Variants in NRIP3 observed in about 807,000 individuals in gnomAD.
NRIP3 encodes the protein nuclear receptor interacting protein 3, also known as nuclear receptor-interacting protein 3.
In NRIP3, 31 loss-of-function variants were observed where a neutral mutation model predicts 29.0. The ratio of observed to expected loss-of-function variants is 1.07; its 90% CI spans 0.80 to 1.44. The LOEUF (loss-of-function observed/expected upper bound fraction) is 1.44. Among genes scored for constraint, NRIP3 ranks in the 40% most tolerant of loss-of-function variants. NRIP3 has a pLI of 0.00. For synonymous variants in NRIP3, 131 were observed against 118.3 expected (o/e 1.11, Z -0.70); for missense variants, 314 against 297.9 (o/e 1.05, Z -0.40).
chr11:8,983,292 C>T lies in NRIP3; in HGVS notation c.*253G>A. ...GCAGAGAAATAGGCCACAAGTGAGA[C>T]TGGCAGTGTCAAAAAAGGTCTATAA... On this transcript the variant is annotated 3_prime_UTR_variant, in exon 7 of 7. Coordinates refer to ENST00000309166, the MANE Select transcript of NRIP3 (RefSeq NM_020645.3). The T allele has an allele frequency of 1.8e-6, 1 of 557,892 alleles. No individual in the cohort carries two copies. The highest frequency in any genetic ancestry group is 3.2e-6 in the Non-Finnish European group (1 of 313,822). 34.6% of individuals were successfully genotyped at this position (557,892 alleles called of 1,614,324 possible).
At position 8,982,629 on chromosome 11, in the gene NRIP3, T is replaced by C; in HGVS notation, c.*916A>G. ...AGAGGGATTAATATTCCTCTGTCTG[T>C]GGTTCCTCCTTTCCTCCAAGAGGTT... On this transcript the variant is annotated 3_prime_UTR_variant, in exon 7 of 7. Transcript: ENST00000309166. The C allele has an allele frequency of 5.0e-6, 1 of 201,072 alleles. No individual in the cohort carries two copies. Among genetic ancestry groups the C allele is most frequent in the South Asian group, 8.3e-5 (1 of 12,058 alleles). The allele number at this position is 201,072 out of a possible 1,614,324, so 12.5% of individuals were successfully genotyped here.
chr11:9,003,901 C>T lies in NRIP3; in HGVS notation c.35G>A (p.Arg12His), dbSNP rs1217018178. Reference sequence around the variant, plus strand: ...CGCCTCCCGCATGTCGGTCTCCTTGCGGCCGCCCTCAGTGAGGAGCCCTGA... The same window carrying T: ...CGCCTCCCGCATGTCGGTCTCCTTGTGGCCGCCCTCAGTGAGGAGCCCTGA... ...FYSGLLTEGG[R>H]KETDMREAAS... is the part of the protein sequence containing the mutation. The change falls in exon 1 of 7, where the codon CGC (arginine) becomes CAC (histidine). Residue 12 changes from arginine to histidine, a missense_variant. Physicochemically the swap from Arg to His is conservative, Grantham distance 29 (BLOSUM62 0). Coordinates refer to ENST00000309166, the MANE Select transcript of NRIP3 (RefSeq NM_020645.3). 8 of 1,521,008 alleles carry T rather than the reference C, an allele frequency of 5.3e-6. No individual in the cohort carries two copies. Among genetic ancestry groups the T allele is most frequent in the Non-Finnish European group, 7.0e-6 (8 of 1,135,668 alleles). 94.2% of individuals were successfully genotyped at this position (1,521,008 alleles called of 1,614,324 possible). A position where few individuals can be genotyped will look rare whatever the true frequency, so the allele number is the denominator to read the frequency against.
At chr11:8,996,951 C>T (rs985930224) in intron 1 of NRIP3, among the ~76,000 whole-genome samples, 7 of 152,258 alleles carry the variant, frequency 4.6e-5, no homozygotes, top group South Asian at 2.1e-4. Context: ...TGATGGCACA[C>T]GCCTGTAGTC....
intron 2 of NRIP3, 83 bp from the exon 3 acceptor site, chr11:8,987,713 T>C: frequency 1.9e-6 from 2 of 1,039,044 alleles, no homozygotes. Flanking sequence ...GCAGATGTCA[T>C]ATGAAAGGCA....
In NRIP3 at chr11:9,003,769, T is replaced by A; in HGVS notation, c.167A>T (p.Lys56Met). 1 of 1,460,880 alleles carries A rather than the reference T, an allele frequency of 6.8e-7. No homozygotes were observed. The highest frequency in any genetic ancestry group is 9.1e-7 in the Non-Finnish European group (1 of 1,099,984). 90.5% of individuals were successfully genotyped at this position (1,460,880 alleles called of 1,614,324 possible). The stretch of plus-strand genomic sequence containing the variant: ...ACGGCGGCGGGGGCTCACCATGTCC[T>A]TGGACGAGCCCAGCTTCTTGAGGCC... ...LDGLKKLGSS[K>M]DMQPHNILQR... The change falls in exon 1 of 7, where the codon AAG becomes ATG. Residue 56 changes from lysine (K) to methionine (M), a missense_variant. Transcript: ENST00000309166.
At chr11:8,988,015 C>A (rs923350775) in intron 2 of NRIP3, 103 bp downstream of exon 2, 2 of 1,126,730 alleles carry the variant, frequency 1.8e-6, no homozygotes, top group African/African-American at 3.1e-5. Context: ...TTTTAAAACT[C>A]ACTTATGAAT....
rs533969227 is a variant in NRIP3, at chr11:9,002,940, A to G, written c.174+822T>C. On this transcript the variant is annotated intron_variant, in intron 1 of 6. Transcript: ENST00000309166. ...AGGGATGACAAATACAGTTCTTTAT[A>G]TTGGTAACCCTTAGCCATCCATCCC... 3.1e-3 allele frequency among the ~76,000 whole-genome samples: 474 copies of G among 152,320 alleles called. 3 individuals are homozygous for G. The highest frequency in any genetic ancestry group is 0.01 in the Middle Eastern group (3 of 294).
chr11:8,987,692 G>T, intron 2 of NRIP3, 62 bp from the exon 3 acceptor site: 1 of 1,244,314 alleles, frequency 8.0e-7, no homozygotes, highest in Non-Finnish European at 1.2e-6. Flanking sequence ...AGGAGATGCA[G>T]ACAGCAAGCA....
At chr11:8,991,181 G>A (rs569449296) in intron 1 of NRIP3, among the ~76,000 whole-genome samples, 1 of 151,906 alleles carries the variant, frequency 6.6e-6, no homozygotes, top group South Asian at 2.1e-4. Context: ...GGCGCCTGTA[G>A]TCCCAGCTAC....
In NRIP3 at chr11:8,990,668, T is replaced by C. The variant is rs183146756; in HGVS notation, c.175-2386A>G. On this transcript the variant is annotated intron_variant, in intron 1 of 6. Coordinates refer to ENST00000309166, the MANE Select transcript of NRIP3 (RefSeq NM_020645.3). ...TTGGCCAGGCATGGTGGCATGCACC[T>C]TTAATCCCAGCTACTAGAGAGGGTG... 2.2e-3 allele frequency among the ~76,000 whole-genome samples: 342 copies of C among 152,220 alleles called. 1 individual carries two copies. The highest frequency in any genetic ancestry group is 3.8e-3 in the Non-Finnish European group (261 of 68,020).
At chr11:9,000,209 G>A (rs764718088) in intron 1 of NRIP3, among the ~76,000 whole-genome samples, 16 of 152,116 alleles carry the variant, frequency 1.1e-4, no homozygotes, top group Non-Finnish European at 1.9e-4. Context: ...ACTGTGTCCT[G>A]AACACAGCAA....
At chr11:9,001,890 C>T (rs976565911) in intron 1 of NRIP3, among the ~76,000 whole-genome samples, 1 of 152,188 alleles carries the variant, frequency 6.6e-6, no homozygotes, top group Admixed American at 6.5e-5. Context: ...GCACAGAAAG[C>T]GTGAACCATG....
At chr11:8,987,994 T>G in intron 2 of NRIP3, 124 bp downstream of exon 2, 2 of 835,312 alleles carry the variant, frequency 2.4e-6, no homozygotes, top group Admixed American at 2.3e-5. Flanking sequence ...CAGTGTTGCA[T>G]GGAGTGCCCC....
rs1332010650 is a variant in NRIP3 at position 8,988,255 on chromosome 11, G to GAA, written c.201_202insTT (p.Leu68PhefsTer33). ...AGCTTAGACAGGTTGGTTTCCATGAGGCGCCTCTGCAGAATATTATGAGGT... is the reference window on the plus strand; with the variant it reads ...AGCTTAGACAGGTTGGTTTCCATGAGAAGCGCCTCTGCAGAATATTATGAGGT... On this transcript the variant is annotated frameshift_variant, in exon 2 of 7. Coordinates refer to ENST00000309166, the MANE Select transcript of NRIP3 (RefSeq NM_020645.3). LOFTEE classifies it high-confidence loss of function. The GAA allele has an allele frequency of 3.0e-5, 49 of 1,614,030 alleles. No individual in the cohort carries two copies. The highest frequency in any genetic ancestry group is 4.1e-5 in the Non-Finnish European group (48 of 1,180,010).
chr11:8,983,716 T>C (rs1854459534), intron 6 of NRIP3, 156 bp from the exon 7 acceptor site: 2 of 873,630 alleles, frequency 2.3e-6, no homozygotes, highest in South Asian at 3.0e-5. Flanking sequence ...CAGAGTTTTG[T>C]GGGGTGATGA....
Position 9,003,948 on chromosome 11 carries a change from G to T in NRIP3, c.-13C>A. 1 of 1,480,500 alleles carries T rather than the reference G, an allele frequency of 6.8e-7. No individual in the cohort carries two copies. Among genetic ancestry groups the T allele is most frequent in the Non-Finnish European group, 9.0e-7 (1 of 1,111,574 alleles). 91.7% of individuals were successfully genotyped at this position (1,480,500 alleles called of 1,614,324 possible). On this transcript the variant is annotated 5_prime_UTR_variant, in exon 1 of 7. Transcript: ENST00000309166. The stretch of plus-strand genomic sequence containing the variant: ...CTGAGTAAAACATCGCTGAGGCGCC[G>T]GCGGCCCGGTAGCCCACAGCCCCCC...
chr11:9,002,005 G>A (rs558899007), intron 1 of NRIP3, among the ~76,000 whole-genome samples: 1 of 152,336 alleles, frequency 6.6e-6, no homozygotes, highest in South Asian at 2.1e-4. Flanking sequence ...TGTGCTGTAT[G>A]CTATCAGCCC....
Position 9,003,783 on chromosome 11 carries a change from C to T in NRIP3, c.153G>A (p.Lys51=), listed in dbSNP as rs1854858550. 2 of 1,490,292 alleles carry T rather than the reference C, an allele frequency of 1.3e-6. No homozygotes were observed. The highest frequency in any genetic ancestry group is 9.0e-7 in the Non-Finnish European group (1 of 1,116,744). 92.3% of individuals were successfully genotyped at this position (1,490,292 alleles called of 1,614,324 possible). A position where few individuals can be genotyped will look rare whatever the true frequency, so the allele number is the denominator to read the frequency against. The change falls in exon 1 of 7, where the codon AAG becomes AAA. Residue 51 remains lysine, a synonymous_variant. Coordinates refer to ENST00000309166, the MANE Select transcript of NRIP3 (RefSeq NM_020645.3). ...TCACCATGTCCTTGGACGAGCCCAG[C>T]TTCTTGAGGCCGTCCAGGGGCAGCA... The part of the protein sequence containing the change: ...ADLLPLDGLK[K]LGSSKDMQPH...
At chr11:9,003,671 G>T in intron 1 of NRIP3, 91 bp downstream of exon 1, 1 of 1,244,480 alleles carries the variant, frequency 8.0e-7, no homozygotes, top group Non-Finnish European at 1.0e-6. Context: ...GGGCCGGGCC[G>T]TGACTCAGTG....
Sources: allele counts gnomAD v4.1 joint callset (sites outside exome capture counted in the v4.1 genomes callset), GRCh38; gene constraint gnomAD v4.1.1; transcripts MANE v1.5; gene names NCBI Gene and HGNC (gene_info 2026-07-23, HGNC 2026-07-21).